The following NHS variants were observed in gnomAD, a reference collection of about 807,000 sequenced individuals.
NHS encodes the protein NHS actin remodeling regulator.
A neutral mutation model predicts 72.5 loss-of-function variants in NHS; 5 were observed. The ratio of observed to expected loss-of-function variants is 0.07; its 90% confidence interval spans 0.04 to 0.14. The LOEUF (loss-of-function observed/expected upper bound fraction) is 0.14, where lower values mean the gene tolerates loss of function less well. Ranked by LOEUF, NHS falls within the 10% of genes least tolerant of loss-of-function variation. The pLI, the probability that NHS is intolerant of heterozygous loss-of-function variation, is 1.00. For synonymous variants in NHS, 464 were observed against 547.7 expected, an observed-to-expected ratio of 0.85 and a Z score of 2.13; for missense variants, 1,072 against 1,355.7, an observed-to-expected ratio of 0.79 and a Z score of 3.29.
At chrX:17,551,723 C>T (rs759009206) in intron 1 of NHS, among the ~76,000 whole-genome samples, 4 of 111,277 alleles carry the variant, frequency 3.6e-5, no homozygotes, top group African/African-American at 6.6e-5. Flanking sequence ...GGCCTCTCAG[C>T]GTGCTTCCCT....
chrX:17,620,145 AT>A (rs376840884), intron 1 of NHS, among the ~76,000 whole-genome samples: 11 of 110,843 alleles, frequency 9.9e-5, no homozygotes, highest in African/African-American at 1.6e-4. Flanking sequence ...GGCAGGCTGT[AT>A]TTTTTTTTCC....
intron 1 of NHS, among the ~76,000 whole-genome samples, chrX:17,623,208 G>A (rs944942735): frequency 2.2e-4 from 25 of 112,198 alleles, no homozygotes; most frequent in African/African-American, 6.8e-4. Context: ...CAAAGTGCTC[G>A]GATTATAGGC....
chrX:17,561,260 C>T (rs745426269), intron 1 of NHS, among the ~76,000 whole-genome samples: 2 of 112,011 alleles, frequency 1.8e-5, no homozygotes, highest in Non-Finnish European at 3.8e-5. Flanking sequence ...GAAACAGTAT[C>T]TGTGGTGATG....
At chrX:17,450,509 GT>G (rs113504657) in intron 1 of NHS, among the ~76,000 whole-genome samples, 1,617 of 112,039 alleles carry the variant, frequency 0.014, 35 homozygotes, top group African/African-American at 0.049. Context: ...CACACAGCTG[GT>G]TAAGTGACAG....
intron 1 of NHS, among the ~76,000 whole-genome samples, chrX:17,538,167 C>T (rs1232291728): frequency 8.9e-6 from 1 of 112,106 alleles, no homozygotes; most frequent in Admixed American, 9.4e-5. Context: ...TGCATTTCCT[C>T]ATCTGCAGGC....
intron 1 of NHS, among the ~76,000 whole-genome samples, chrX:17,527,835 C>A: frequency 9.0e-6 from 1 of 111,379 alleles, no homozygotes; most frequent in East Asian, 2.8e-4. Flanking sequence ...TTCACTGCCC[C>A]CTTGGCCTGC....
Position 17,717,091 on chromosome X carries a change from C to T in NHS, c.853-2253C>T, listed in dbSNP as rs1468315891. ...CAAGCAATTCTCCTGCCTCAGCCTC[C>T]CGAGTAGCTGGGATTACAGGCATGC... On this transcript the variant is annotated intron_variant, in intron 3 of 8. Transcript: ENST00000676302. Among the ~76,000 whole-genome samples, 3 of 110,188 alleles carry T rather than the reference C, an allele frequency of 2.7e-5. No homozygotes were observed. In the Admixed American group the frequency reaches 2.9e-4, roughly 11 times the overall value.
chrX:17,466,717 GTT>G, intron 1 of NHS, among the ~76,000 whole-genome samples: 1 of 111,513 alleles, frequency 9.0e-6, no homozygotes, highest in Non-Finnish European at 1.9e-5. Context: ...TCAGAGGGGG[GTT>G]TTGATGCAGT....
At chrX:17,446,021 GT>G (rs2064778081) in intron 1 of NHS, among the ~76,000 whole-genome samples, 1 of 109,828 alleles carries the variant, frequency 9.1e-6, no homozygotes, top group Non-Finnish European at 1.9e-5. Context: ...TATGTCTTCC[GT>G]TTAGTTTCTC....
chrX:17,502,214 G>T (rs1454006640), intron 1 of NHS, among the ~76,000 whole-genome samples: 1 of 111,243 alleles, frequency 9.0e-6, no homozygotes, highest in East Asian at 2.8e-4. Context: ...CCAAAGCTTG[G>T]GAGGGGCTAG....
intron 1 of NHS, among the ~76,000 whole-genome samples, chrX:17,440,291 C>T (rs1272101628): frequency 4.1e-5 from 4 of 96,586 alleles, no homozygotes; most frequent in African/African-American, 1.6e-4. Context: ...AAAAAGGAAA[C>T]CAGTTTAATG....
intron 1 of NHS, among the ~76,000 whole-genome samples, chrX:17,379,907 T>G (rs761967906): frequency 4.5e-5 from 5 of 111,753 alleles, no homozygotes; most frequent in Non-Finnish European, 9.4e-5. Flanking sequence ...CATGTTAAGT[T>G]TGAGATACCT....
At chrX:17,707,780 C>G (rs1341928544) in intron 3 of NHS, among the ~76,000 whole-genome samples, 1 of 110,881 alleles carries the variant, frequency 9.0e-6, no homozygotes, top group East Asian at 2.8e-4. Context: ...CTATAAAGAC[C>G]TTCTCACTGC....
chrX:17,707,313 G>A (rs1335847073), intron 3 of NHS, among the ~76,000 whole-genome samples: 1 of 112,261 alleles, frequency 8.9e-6, no homozygotes, highest in Non-Finnish European at 1.9e-5. Context: ...GATCAACAGT[G>A]AATTCATTTC....
intron 1 of NHS, among the ~76,000 whole-genome samples, chrX:17,685,534 G>A (rs1319766180): frequency 9.0e-6 from 1 of 111,549 alleles, no homozygotes; most frequent in African/African-American, 3.3e-5. Context: ...CTCAGCACTG[G>A]CTTGCCCAAC....
At chrX:17,383,694 A>G (rs1284871869) in intron 1 of NHS, among the ~76,000 whole-genome samples, 1 of 112,073 alleles carries the variant, frequency 8.9e-6, no homozygotes, top group Non-Finnish European at 1.9e-5. Context: ...CCCATGATCC[A>G]GTCACCTCCC....
chrX:17,721,954 G>C (rs1459719737), intron 5 of NHS, among the ~76,000 whole-genome samples: 1 of 112,019 alleles, frequency 8.9e-6, no homozygotes, highest in Non-Finnish European at 1.9e-5. Context: ...GTGTGGCACT[G>C]CAAGAAAGAA....
intron 2 of NHS, among the ~76,000 whole-genome samples, chrX:17,690,178 C>T (rs1240605199): frequency 1.8e-5 from 2 of 112,239 alleles, no homozygotes; most frequent in Non-Finnish European, 3.8e-5. Context: ...TTATAGCCAT[C>T]ATGGAATTAA....
chrX:17,696,694 G>C (rs1221717010), intron 3 of NHS, among the ~76,000 whole-genome samples: 2 of 111,586 alleles, frequency 1.8e-5, no homozygotes, highest in African/African-American at 6.5e-5. Flanking sequence ...TTTTTTGGTG[G>C]ATCGAAATAT....
Sources: gnomAD v4.1 joint callset for allele counts (sites outside exome capture counted in the v4.1 genomes callset) on GRCh38, gnomAD v4.1.1 for gene constraint, MANE v1.5 for transcripts, NCBI Gene and HGNC (gene_info 2026-07-23, HGNC 2026-07-21) for gene names.